The following CTRC variants were observed in gnomAD, a reference collection of about 807,000 sequenced individuals.
CTRC encodes the protein chymotrypsin C.
Under a neutral mutation model 35.7 loss-of-function variants are expected in CTRC, and 32 were observed. The ratio of observed to expected loss-of-function variants is 0.90; its 90% CI spans 0.68 to 1.20. The LOEUF (loss-of-function observed/expected upper bound fraction) is 1.20. Among genes scored for constraint, CTRC ranks in the 50% most tolerant of loss-of-function variants. The pLI is 0.00. For missense variants in CTRC, 324 were observed against 361.5 expected (o/e 0.90, Z 0.84); for synonymous variants, 119 against 149.5 (o/e 0.80, Z 1.49).
chr1:15,442,501 C>T lies in CTRC; in HGVS notation c.285C>T (p.Asp95=), dbSNP rs41307798. The T allele has an allele frequency of 0.034, 55,640 of 1,614,106 alleles. 1,205 individuals are homozygous for T. The highest frequency in any genetic ancestry group is 0.076 in the East Asian group (3,426 of 44,856). The part of the protein sequence containing the change: ...AVGKNNLEVE[D]EEGSLFVGVD... ...GAAAGAACAACCTGGAGGTGGAAGA[C>T]GAAGAAGGATCCCTGTTTGTGGGTG... Residue 95 remains aspartate (D), a synonymous_variant, in exon 4 of 8, where the codon GAC becomes GAT. Coordinates refer to ENST00000375949, the MANE Select transcript of CTRC (RefSeq NM_007272.3).
intron 6 of CTRC, 33 bp downstream of exon 6, chr1:15,444,784 T>TC: frequency 6.2e-7 from 1 of 1,613,962 alleles, no homozygotes; most frequent in Non-Finnish European, 8.5e-7. Context: ...TTGTCCCTAC[T>TC]CCAAGTGGCC....
chr1:15,441,281 G>A (rs1708128474), intron 3 of CTRC, among the ~76,000 whole-genome samples: 1 of 152,140 alleles, frequency 6.6e-6, no homozygotes, highest in Non-Finnish European at 1.5e-5. Flanking sequence ...GGGGATATTT[G>A]GCAAATATTT....
chr1:15,441,234 C>T (rs1375926855), intron 3 of CTRC, among the ~76,000 whole-genome samples: 1 of 152,038 alleles, frequency 6.6e-6, no homozygotes, highest in African/African-American at 2.4e-5. Context: ...ATGAGGGGTT[C>T]AGTTTTAAAA....
chr1:15,440,226 G>GGCCCC, intron 1 of CTRC, 74 bp from the exon 2 acceptor site: 8 of 523,570 alleles, frequency 1.5e-5, no homozygotes, highest in Admixed American at 1.3e-4. Flanking sequence ...TCTTCCACCT[G>GGCCCC]CCCACCCTCC....
In CTRC at chr1:15,442,533, C is replaced by T. The variant is rs367728085; in HGVS notation, c.317C>T (p.Thr106Ile). 3.1e-6 allele frequency: 5 copies of T among 1,614,110 alleles called. No individual in the cohort carries two copies. The highest frequency in any genetic ancestry group is 3.3e-4 in the Middle Eastern group (2 of 6,062). Residue 106 changes from threonine to isoleucine, a missense_variant, in exon 4 of 8, where the codon ACC (threonine) becomes ATC (isoleucine). Coordinates refer to ENST00000375949, the MANE Select transcript of CTRC (RefSeq NM_007272.3). ...GGATCCCTGTTTGTGGGTGTGGACA[C>T]CATCCACGTCCACAAGAGATGGAAT... is the stretch of plus-strand genomic sequence containing the variant. ...EEGSLFVGVD[T>I]IHVHKRWNAL...
chr1:15,441,048 C>T (rs113216868), intron 3 of CTRC, among the ~76,000 whole-genome samples: 145 of 152,098 alleles, frequency 9.5e-4, no homozygotes, highest in African/African-American at 3.4e-3. Flanking sequence ...GGCGTGGTGG[C>T]GGGCACCTGT....
chr1:15,443,731 T>G (rs562298234), intron 5 of CTRC, among the ~76,000 whole-genome samples, 176 bp downstream of exon 5: 20 of 152,310 alleles, frequency 1.3e-4, no homozygotes, highest in Middle Eastern at 3.4e-3. Flanking sequence ...CTAGCAAGGG[T>G]CTCTGAGAGA....
At chr1:15,445,455 A>G in intron 6 of CTRC, 142 bp from the exon 7 acceptor site, 1 of 791,612 alleles carries the variant, frequency 1.3e-6, no homozygotes, top group Admixed American at 2.3e-5. Flanking sequence ...TGCCTCCCTC[A>G]CCATGGGCAG....
rs779469584 is a variant in CTRC at position 15,445,659 on chromosome 1, C to T, written c.702C>T (p.Ile234=). 6.2e-6 allele frequency: 10 copies of T among 1,614,068 alleles called. No homozygotes were observed. The East Asian group carries it at 6.7e-5, about 11-fold the overall frequency. The change falls in exon 7 of 8, where the codon ATC becomes ATT. Residue 234 remains isoleucine, a synonymous_variant. Coordinates refer to ENST00000375949, the MANE Select transcript of CTRC (RefSeq NM_007272.3). ...ACGGTTCCTGGGAGGTGTTTGGCAT[C>T]GTCAGCTTTGGCTCCCGGCGGGGCT... is the stretch of plus-strand genomic sequence containing the variant. ...LENGSWEVFG[I]VSFGSRRGCN... is the part of the protein sequence containing the mutation.
rs1168258041 is a variant in CTRC at position 15,447,910 on chromosome 1, G to A, written c.*1321G>A. 6.6e-6 allele frequency: 1 copy of A among 152,190 alleles called. No individual in the cohort carries two copies. The highest frequency in any genetic ancestry group is 1.5e-5 in the Non-Finnish European group (1 of 68,092). The allele number at this position is 152,190 out of a possible 1,614,324, so 9.4% of individuals were successfully genotyped here. On this transcript the variant is annotated 3_prime_UTR_variant, in exon 8 of 8. Coordinates refer to ENST00000375949, the MANE Select transcript of CTRC (RefSeq NM_007272.3). ...CCCAGACCCGGGAATCCAGGATGGG[G>A]GTACCCCAGCTGTGCAGGAGACAGA...
rs1401702625 is a variant in CTRC, at chr1:15,442,457, A to G, written c.241A>G (p.Thr81Ala). Residue 81 changes from threonine to alanine, a missense_variant, in exon 4 of 8, where the codon ACC becomes GCC. Coordinates refer to ENST00000375949, the MANE Select transcript of CTRC (RefSeq NM_007272.3). ...CCTTCCTCTGCCCAGCAACACCCGG[A>G]CCTACCGTGTGGCCGTGGGAAAGAA... ...TAAHCISNTR[T>A]YRVAVGKNNL... 2 of 1,613,368 alleles carry G rather than the reference A, an allele frequency of 1.2e-6. No individual in the cohort carries two copies. Among genetic ancestry groups the G allele is most frequent in the Non-Finnish European group, 1.7e-6 (2 of 1,179,644 alleles).
intron 7 of CTRC, 74 bp from the exon 8 acceptor site, chr1:15,446,501 T>C (rs1270039289): frequency 1.3e-5 from 20 of 1,520,166 alleles, no homozygotes; most frequent in Non-Finnish European, 1.7e-5. Flanking sequence ...GGACCCACCC[T>C]CCGGGCAGAG....
chr1:15,440,233 C>CCCCCCCCCCTT, intron 1 of CTRC, 67 bp from the exon 2 acceptor site: 1 of 671,384 alleles, frequency 1.5e-6, no homozygotes, highest in Non-Finnish European at 2.8e-6. Context: ...CCTGCCCACC[C>CCCCCCCCCCTT]TCCCACCCCT....
At chr1:15,442,424 C>T (rs1708148390) in intron 3 of CTRC, 23 bp from the exon 4 acceptor site, 2 of 1,599,028 alleles carry the variant, frequency 1.3e-6, no homozygotes, top group African/African-American at 1.3e-5. Flanking sequence ...GCCACCCTGA[C>T]CTGGACCCCT....
chr1:15,446,385 T>A lies in CTRC; in HGVS notation c.793-190T>A, dbSNP rs1570787447. On this transcript the variant is annotated intron_variant, in intron 7 of 7. Transcript: ENST00000375949. ...CTTCCCCATTGGGGACAGAGTGTGTTCCAAGACCCATTTGCACAGTGGCCT... is the reference window on the plus strand; with the variant it reads ...CTTCCCCATTGGGGACAGAGTGTGTACCAAGACCCATTTGCACAGTGGCCT... Among the ~76,000 whole-genome samples the A allele has an allele frequency of 3.3e-5, 5 of 152,174 alleles. No individual in the cohort carries two copies. In the East Asian group the frequency reaches 9.7e-4, roughly 29 times the overall value.
In CTRC at chr1:15,440,377, AGCTGGCCCTGGCAG is replaced by A; in HGVS notation, c.120_132+1del. The A allele has an allele frequency of 6.2e-7, 1 of 1,612,638 alleles. No homozygotes were observed. Among genetic ancestry groups the A allele is most frequent in the Non-Finnish European group, 8.5e-7 (1 of 1,179,606 alleles). ...GGGAGGAGAGGATGCCCGGCCCCACAGCTGGCCCTGGCAGGTAAGCCTGTGTAGGGCTGGGAGGT... is the reference window on the plus strand; with the variant it reads ...GGGAGGAGAGGATGCCCGGCCCCACAGTAAGCCTGTGTAGGGCTGGGAGGT... On this transcript the variant is annotated frameshift_variant and splice_region_variant, in exon 2 of 8. Transcript: ENST00000375949. LOFTEE classifies it high-confidence loss of function.
rs1472934141 is a variant in CTRC, at chr1:15,444,734, G to A, written c.622G>A (p.Val208Ile). ...CATGGTGTGCGCTGGGGGCGATGGC[G>A]TCATCTCAGCCTGCAATGTGAGTGG... is the stretch of plus-strand genomic sequence containing the variant. ...KTMVCAGGDG[V>I]ISACNGDSGG... The change falls in exon 6 of 8, where the codon GTC becomes ATC. Residue 208 changes from valine (V) to isoleucine (I), a missense_variant. Physicochemically the swap from Val to Ile is conservative, Grantham distance 29. Coordinates refer to ENST00000375949, the MANE Select transcript of CTRC (RefSeq NM_007272.3). 27 of 1,614,086 alleles carry A rather than the reference G, an allele frequency of 1.7e-5. No individual in the cohort carries two copies. The highest frequency in any genetic ancestry group is 5.5e-5 in the South Asian group (5 of 91,092).
Position 15,448,609 on chromosome 1 carries a change from G to A in CTRC, c.*2020G>A, listed in dbSNP as rs1325786475. 6.6e-6 allele frequency: 1 copy of A among 151,900 alleles called. No individual in the cohort carries two copies. Among genetic ancestry groups the A allele is most frequent in the Non-Finnish European group, 1.5e-5 (1 of 68,038 alleles). 9.4% of individuals were successfully genotyped at this position (151,900 alleles called of 1,614,324 possible). ...GATCCACCTGCCTCGGCCTCCCAAA[G>A]TGCTGGCATTACAGGCGTGAGCCAC... On this transcript the variant is annotated 3_prime_UTR_variant, in exon 8 of 8. Coordinates refer to ENST00000375949, the MANE Select transcript of CTRC (RefSeq NM_007272.3).
intron 5 of CTRC, among the ~76,000 whole-genome samples, chr1:15,444,278 G>T (rs116145413): frequency 0.022 from 3,396 of 151,902 alleles, 63 homozygotes; most frequent in African/African-American, 0.047. Flanking sequence ...AAAAGAAAGA[G>T]AAATAGAAAA....
Sources: gnomAD v4.1 joint callset for allele counts (sites outside exome capture counted in the v4.1 genomes callset) on GRCh38, gnomAD v4.1.1 for gene constraint, MANE v1.5 for transcripts, NCBI Gene and HGNC (gene_info 2026-07-23, HGNC 2026-07-21) for gene names.